TSPEAR: variants seen among roughly 807,000 people sequenced by gnomAD.
TSPEAR encodes the protein thrombospondin-type laminin G domain and EAR repeat-containing protein.
A neutral mutation model predicts 71.6 loss-of-function variants in TSPEAR; 69 were observed. The ratio of observed to expected loss-of-function variants is 0.96; its 90% CI spans 0.79 to 1.18. The LOEUF (loss-of-function observed/expected upper bound fraction) is 1.18, where lower values mean the gene tolerates loss of function less well. TSPEAR is among the 50% of genes most tolerant of loss of function. The pLI is 0.00. For missense variants in TSPEAR, 971 were observed against 894.9 expected (o/e 1.09, Z -1.09); for synonymous variants, 402 against 387.2 (o/e 1.04, Z -0.45).
In TSPEAR at chr21:44,513,562, C is replaced by T. The variant is rs587738444; in HGVS notation, c.1567-4176G>A. Among the ~76,000 whole-genome samples the T allele has an allele frequency of 7.2e-5, 11 of 152,336 alleles. No homozygotes were observed. In the South Asian group the frequency reaches 1.0e-3, roughly 14 times the overall value. On this transcript the variant is annotated intron_variant, in intron 9 of 11. Transcript: ENST00000323084. ...AGAGCCTGGCCCTGCTGCCCTGGCA[C>T]GGTGCCTGGCAGCTCAGGAGCATCT... is the stretch of plus-strand genomic sequence containing the variant.
intron 1 of TSPEAR, among the ~76,000 whole-genome samples, chr21:44,708,123 G>A (rs1601588994): frequency 1.3e-5 from 2 of 152,088 alleles, no homozygotes; most frequent in East Asian, 3.9e-4. Flanking sequence ...GCAAGTGTGC[G>A]CTGGGGGTAA....
rs1327755563 is a variant in TSPEAR at position 44,517,991 on chromosome 21, C to T, written c.1566+3892G>A. ...TTTGGTTAGCCAGATACAGACTCTC[C>T]TGGTTTGATTCTGTCTCTTTTCATT... On this transcript the variant is annotated intron_variant, in intron 9 of 11. Coordinates refer to ENST00000323084, the MANE Select transcript of TSPEAR (RefSeq NM_144991.3). Among the ~76,000 whole-genome samples, 3 of 152,188 alleles carry T rather than the reference C, an allele frequency of 2.0e-5. No individual in the cohort carries two copies. The East Asian group carries it at 5.8e-4, about 29-fold the overall frequency.
At chr21:44,639,967 A>G (rs1983931055) in intron 1 of TSPEAR, among the ~76,000 whole-genome samples, 1 of 152,204 alleles carries the variant, frequency 6.6e-6, no homozygotes, top group Admixed American at 6.5e-5. Context: ...CAGTGAAAGC[A>G]CCTTGGAAAA....
At chr21:44,646,509 G>A (rs1555939759) in intron 1 of TSPEAR, 1 of 1,612,910 alleles carries the variant, frequency 6.2e-7, no homozygotes, top group Admixed American at 1.7e-5. Context: ...CCGACTCCTG[G>A]CAGGTGGACG....
chr21:44,507,476 T>C (rs770011432), intron 10 of TSPEAR, among the ~76,000 whole-genome samples: 6 of 152,224 alleles, frequency 3.9e-5, no homozygotes, highest in Non-Finnish European at 7.3e-5. Flanking sequence ...GCTAGGAGTT[T>C]GACTTGTGTG....
At chr21:44,697,987 A>T in intron 1 of TSPEAR, 5 of 1,577,308 alleles carry the variant, frequency 3.2e-6, no homozygotes, top group Non-Finnish European at 4.3e-6. Flanking sequence ...CATGTCCCCC[A>T]GGGCCACTGG....
intron 1 of TSPEAR, among the ~76,000 whole-genome samples, chr21:44,587,925 G>GA (rs1555925881): frequency 6.6e-6 from 1 of 152,154 alleles, no homozygotes; most frequent in East Asian, 1.9e-4. Context: ...TAGAATTCTA[G>GA]AAAATAACAT....
intron 1 of TSPEAR, among the ~76,000 whole-genome samples, chr21:44,683,048 C>T (rs531003480): frequency 9.9e-5 from 15 of 152,214 alleles, no homozygotes; most frequent in Admixed American, 6.5e-4. Context: ...CGTCGACATC[C>T]AGCCGAGACC....
At chr21:44,658,104 G>A (rs781955267) in intron 1 of TSPEAR, 316 of 1,612,560 alleles carry the variant, frequency 2.0e-4, no homozygotes, top group Middle Eastern at 1.8e-3. Context: ...AGCTGCACGC[G>A]CATTGTGTGC....
rs150635117 is a variant in TSPEAR, at chr21:44,637,894, T to C, written c.83-69889A>G. ...GCTCTAAGTCCGTCTGCTATGTGCC[T>C]GTGTGCTCTGGGGCTTCCACTTCAT... On this transcript the variant is annotated intron_variant, in intron 1 of 11. Coordinates refer to ENST00000323084, the MANE Select transcript of TSPEAR (RefSeq NM_144991.3). 3.0e-4 allele frequency: 462 copies of C among 1,530,498 alleles called. 1 individual carries two copies. Among genetic ancestry groups the C allele is most frequent in the Middle Eastern group, 6.9e-4 (4 of 5,820 alleles). The allele number at this position is 1,530,498 out of a possible 1,614,324, so 94.8% of individuals were successfully genotyped here.
At chr21:44,702,691 T>G in intron 1 of TSPEAR, 10 of 1,533,132 alleles carry the variant, frequency 6.5e-6, no homozygotes, top group Non-Finnish European at 8.1e-6. Flanking sequence ...CGCCTTCTCC[T>G]GCCAGCCCAG....
intron 2 of TSPEAR, among the ~76,000 whole-genome samples, chr21:44,553,592 T>C (rs1449182071): frequency 6.6e-6 from 1 of 151,948 alleles, no homozygotes; most frequent in Middle Eastern, 3.2e-3. Context: ...AAAATTCAAT[T>C]GCTAGGGAGA....
intron 2 of TSPEAR, among the ~76,000 whole-genome samples, chr21:44,544,251 G>C (rs2053265948): frequency 6.6e-6 from 1 of 152,136 alleles, no homozygotes; most frequent in Admixed American, 6.5e-5. Context: ...ACTAAACACT[G>C]TGGGATTCTG....
rs587722972 is a variant in TSPEAR at position 44,583,476 on chromosome 21, GT to G, written c.83-15472del. On this transcript the variant is annotated intron_variant, in intron 1 of 11. Transcript: ENST00000323084. The stretch of plus-strand genomic sequence containing the variant: ...GCACTAAGCCGGTGTTGGCTGGTTT[GT>G]CGCAAAGCCTTGGTCTCGTGCATGC... Among the ~76,000 whole-genome samples the G allele has an allele frequency of 1.2e-4, 18 of 152,328 alleles. No individual in the cohort carries two copies. The East Asian group carries it at 3.5e-3, about 29-fold the overall frequency.
chr21:44,673,580 T>C (rs765670018), intron 1 of TSPEAR, among the ~76,000 whole-genome samples: 1 of 152,104 alleles, frequency 6.6e-6, no homozygotes, highest in Non-Finnish European at 1.5e-5. Flanking sequence ...AACAAAAAAA[T>C]TGGATTTATA....
chr21:44,607,546 T>A (rs1207110534), intron 1 of TSPEAR, among the ~76,000 whole-genome samples: 4 of 152,218 alleles, frequency 2.6e-5, no homozygotes, highest in African/African-American at 7.2e-5. Context: ...CACGACGTTG[T>A]GGTAGGCAAA....
At chr21:44,701,245 G>A (rs1555951485) in intron 1 of TSPEAR, among the ~76,000 whole-genome samples, 5 of 152,192 alleles carry the variant, frequency 3.3e-5, no homozygotes, top group African/African-American at 1.2e-4. Flanking sequence ...AACACGGACT[G>A]TTTCTCTCTG....
At chr21:44,526,580 C>T (rs982400781) in intron 7 of TSPEAR, among the ~76,000 whole-genome samples, 2 of 152,138 alleles carry the variant, frequency 1.3e-5, no homozygotes, top group African/African-American at 4.8e-5. Flanking sequence ...CACAGGAGAG[C>T]AGTTTCCATC....
intron 1 of TSPEAR, among the ~76,000 whole-genome samples, chr21:44,689,632 A>G (rs1001951624): frequency 4.7e-5 from 7 of 148,198 alleles, no homozygotes; most frequent in African/African-American, 1.7e-4. Context: ...GATATTAAAC[A>G]TCTCATTGAT....
Sources: allele counts gnomAD v4.1 joint callset (sites outside exome capture counted in the v4.1 genomes callset), GRCh38; gene constraint gnomAD v4.1.1; transcripts MANE v1.5; gene names NCBI Gene and HGNC (gene_info 2026-07-23, HGNC 2026-07-21).